HIRA: variants seen among roughly 807,000 people sequenced by gnomAD.
The protein encoded by HIRA is histone cell cycle regulator.
Under a neutral mutation model 126.6 loss-of-function variants are expected in HIRA, and 13 were observed. The ratio of observed to expected loss-of-function variants is 0.10; its 90% CI spans 0.07 to 0.16. The LOEUF (loss-of-function observed/expected upper bound fraction) is 0.16. Ranked by LOEUF, HIRA falls within the 10% of genes least tolerant of loss-of-function variation. The pLI, the probability that HIRA is intolerant of heterozygous loss-of-function variation, is 1.00. For synonymous variants in HIRA, 511 were observed against 520.0 expected, an observed-to-expected ratio of 0.98 and a Z score of 0.24; for missense variants, 834 against 1,314.4, an observed-to-expected ratio of 0.63 and a Z score of 5.65.
intron 1 of HIRA, among the ~76,000 whole-genome samples, chr22:19,429,532 A>G (rs1306049001): frequency 6.6e-6 from 1 of 152,204 alleles, no homozygotes; most frequent in African/African-American, 2.4e-5. Flanking sequence ...TCACAAGCAT[A>G]CTATGAAGTG....
intron 5 of HIRA, among the ~76,000 whole-genome samples, chr22:19,398,494 C>T (rs934629765): frequency 5.3e-5 from 8 of 152,294 alleles, no homozygotes; most frequent in South Asian, 4.1e-4. Context: ...GAATGCCTGG[C>T]ACAGTCAGAA....
chr22:19,405,833 T>C lies in HIRA; in HGVS notation c.350A>G (p.Asn117Ser), dbSNP rs997023059. The C allele has an allele frequency of 4.6e-6, 7 of 1,512,476 alleles. No individual in the cohort carries two copies. The highest frequency in any genetic ancestry group is 5.3e-6 in the Non-Finnish European group (6 of 1,125,490). The allele number at this position is 1,512,476 out of a possible 1,614,324, so 93.7% of individuals were successfully genotyped here. The change falls in exon 5 of 25, where the codon AAT (asparagine) becomes AGT (serine). Residue 117 changes from asparagine (N) to serine (S), a missense_variant. By Grantham distance (46) the Asn-to-Ser change is conservative. Around this residue, in one of 5 missense-constraint regions of HIRA, gnomAD observed 102 missense variants for 191.4 expected, o/e 0.53. Transcript: ENST00000263208. ...AGAGACACACCGCCACTGCTCCACA[T>C]TGGCAAGCTTACCACTGGAGCCGAA... ...TVFGSSGKLA[N>S]VEQWRCVSIL... is the part of the protein sequence containing the mutation.
chr22:19,381,901 G>A (rs1195658204), intron 13 of HIRA, among the ~76,000 whole-genome samples: 1 of 152,094 alleles, frequency 6.6e-6, no homozygotes, highest in East Asian at 1.9e-4. Flanking sequence ...TCTTAGTCCG[G>A]TGGCTTTGGT....
At position 19,408,552 on chromosome 22, in the gene HIRA, C is replaced by T. The variant is rs202246126; in HGVS notation, c.142G>A (p.Val48Ile). The part of the protein sequence containing the change: ...GKVVIWNMSP[V>I]LQEDDEKDEN... ...TCCTTCTCGTCATCCTCCTGGAGGA[C>T]TGGAGACATATTCCAGATCACAACC... The change falls in exon 3 of 25, where the codon GTC (valine) becomes ATC (isoleucine). Residue 48 changes from valine (V) to isoleucine (I), a missense_variant. Physicochemically the swap from Val to Ile is conservative, Grantham distance 29. This residue lies in a region of HIRA where 102 missense variants were observed against 191.4 expected (regional missense o/e 0.53). Transcript: ENST00000263208. 7 of 1,613,678 alleles carry T rather than the reference C, an allele frequency of 4.3e-6. No homozygotes were observed. Among genetic ancestry groups the T allele is most frequent in the Non-Finnish European group, 5.9e-6 (7 of 1,179,686 alleles).
intron 13 of HIRA, among the ~76,000 whole-genome samples, chr22:19,378,991 G>T (rs1367707558): frequency 6.6e-6 from 1 of 151,600 alleles, no homozygotes; most frequent in Admixed American, 6.6e-5. Context: ...AAGAAAAATG[G>T]TATCTTATTT....
At chr22:19,347,683 A>T (rs1340653121) in intron 24 of HIRA, among the ~76,000 whole-genome samples, 1 of 152,106 alleles carries the variant, frequency 6.6e-6, no homozygotes, top group Non-Finnish European at 1.5e-5. Context: ...TCATGTCTAT[A>T]ATCCCAGCAC....
At chr22:19,341,611 C>G (rs2088630150) in intron 24 of HIRA, among the ~76,000 whole-genome samples, 1 of 151,992 alleles carries the variant, frequency 6.6e-6, no homozygotes, top group Non-Finnish European at 1.5e-5. Context: ...GCAAACAGAC[C>G]AATGGAACAG....
In HIRA at chr22:19,407,240, C is replaced by T. The variant is rs766479238; in HGVS notation, c.246G>A (p.Gly82=). Residue 82 remains glycine, a synonymous_variant, in exon 4 of 25, where the codon GGG becomes GGA. Coordinates refer to ENST00000263208, the MANE Select transcript of HIRA (RefSeq NM_003325.4). ...CVNCVRWSNS[G]MYLASGGDDK... ...CATCTCCCCCAGAAGCTAAATACATCCCACTGTTTGACCACCGCACACAGT... is the reference window on the plus strand; with the variant it reads ...CATCTCCCCCAGAAGCTAAATACATTCCACTGTTTGACCACCGCACACAGT... 1.2e-6 allele frequency: 2 copies of T among 1,614,004 alleles called. No homozygotes were observed. The highest frequency in any genetic ancestry group is 1.7e-6 in the Non-Finnish European group (2 of 1,179,962).
chr22:19,349,984 TTTC>T (rs2088736684), intron 24 of HIRA, among the ~76,000 whole-genome samples: 1 of 152,078 alleles, frequency 6.6e-6, no homozygotes, highest in Admixed American at 6.6e-5. Context: ...GCCTTTCCTT[TTTC>T]TTTTCTTTTT....
chr22:19,358,853 AT>A (rs1556013477), intron 18 of HIRA, among the ~76,000 whole-genome samples: 2 of 152,152 alleles, frequency 1.3e-5, no homozygotes, highest in Non-Finnish European at 2.9e-5. Flanking sequence ...CCAGGGGAAG[AT>A]ACTGGGTGAC....
At chr22:19,405,132 C>G (rs1015053353) in intron 5 of HIRA, among the ~76,000 whole-genome samples, 2 of 152,202 alleles carry the variant, frequency 1.3e-5, no homozygotes, top group Non-Finnish European at 2.9e-5. Context: ...CTATAAAGAT[C>G]CAGCCATGGT....
At chr22:19,345,620 G>A (rs1008966620) in intron 24 of HIRA, among the ~76,000 whole-genome samples, 1 of 152,158 alleles carries the variant, frequency 6.6e-6, no homozygotes, top group African/African-American at 2.4e-5. Flanking sequence ...ATTCTCATAA[G>A]GAGCACACAA....
chr22:19,390,947 G>A (rs1388562207), intron 9 of HIRA, among the ~76,000 whole-genome samples: 1 of 147,974 alleles, frequency 6.8e-6, no homozygotes, highest in African/African-American at 2.6e-5. Context: ...CTGACACTTG[G>A]TACTATTTTT....
intron 1 of HIRA, among the ~76,000 whole-genome samples, chr22:19,425,658 C>T (rs1279803850): frequency 6.6e-6 from 1 of 152,180 alleles, no homozygotes; most frequent in Non-Finnish European, 1.5e-5. Flanking sequence ...TGGCCTTCAT[C>T]CATATTCTTT....
intron 5 of HIRA, 142 bp downstream of exon 5, chr22:19,405,644 G>T: frequency 1.2e-6 from 1 of 852,674 alleles, no homozygotes; most frequent in Admixed American, 4.3e-5. Flanking sequence ...GACAGGCAGG[G>T]TGTGACTGAT....
Position 19,392,166 on chromosome 22 carries a change from C to G in HIRA, c.871G>C (p.Ala291Pro), listed in dbSNP as rs1223642425. Residue 291 changes from alanine to proline, a missense_variant, in exon 9 of 25, where the codon GCG (alanine) becomes CCG (proline). By Grantham distance (27) the Ala-to-Pro change is conservative. Coordinates refer to ENST00000263208, the MANE Select transcript of HIRA (RefSeq NM_003325.4). The part of the protein sequence containing the change: ...FKKKQKNGSS[A>P]KPSCPYCCCA... Reference sequence around the variant, plus strand: ...CAGCAGTACGGGCAGCTAGGCTTCGCAGAACTCCCATTCTTCTGCTTCTTT... The same window carrying G: ...CAGCAGTACGGGCAGCTAGGCTTCGGAGAACTCCCATTCTTCTGCTTCTTT... 1.9e-6 allele frequency: 3 copies of G among 1,608,744 alleles called. No homozygotes were observed. In the East Asian group the frequency reaches 6.7e-5, roughly 36 times the overall value.
chr22:19,390,510 G>A (rs2089168558), intron 9 of HIRA, among the ~76,000 whole-genome samples: 1 of 144,346 alleles, frequency 6.9e-6, no homozygotes, highest in Non-Finnish European at 1.5e-5. Context: ...AATCTCGCTC[G>A]AACCCAGGAG....
At chr22:19,402,225 A>G (rs2089274660) in intron 5 of HIRA, among the ~76,000 whole-genome samples, 1 of 152,240 alleles carries the variant, frequency 6.6e-6, no homozygotes, top group Non-Finnish European at 1.5e-5. Flanking sequence ...TGCCTGGAAC[A>G]TGGCAGGCAC....
rs560841777 is a variant in HIRA, at chr22:19,376,915, C to T, written c.1613+954G>A. Among the ~76,000 whole-genome samples the T allele has an allele frequency of 3.3e-5, 5 of 152,306 alleles. No homozygotes were observed. In the East Asian group the frequency reaches 7.7e-4, roughly 24 times the overall value. On this transcript the variant is annotated intron_variant, in intron 14 of 24. Transcript: ENST00000263208. The stretch of plus-strand genomic sequence containing the variant: ...CCAGGGAGTGGCCTATTTGGGGCAC[C>T]ACCGCCTAACAGAGTCACTTTCCTA...
Sources: allele counts gnomAD v4.1 joint callset (sites outside exome capture counted in the v4.1 genomes callset), GRCh38; gene constraint gnomAD v4.1.1; regional missense constraint gnomAD v4.1.1; transcripts MANE v1.5; gene names NCBI Gene and HGNC (gene_info 2026-07-23, HGNC 2026-07-21).